SEPTIN2: variants seen among roughly 807,000 people sequenced by gnomAD.
The protein encoded by SEPTIN2 is septin 2, also known as septin-2.
A neutral mutation model predicts 46.5 loss-of-function variants in SEPTIN2; 34 were observed. The ratio of observed to expected loss-of-function variants is 0.73; its 90% CI spans 0.56 to 0.97. The LOEUF (loss-of-function observed/expected upper bound fraction) is 0.97, where lower values mean the gene tolerates loss of function less well. Ranked by LOEUF, SEPTIN2 falls within the 50% of genes least tolerant of loss-of-function variation. SEPTIN2 has a pLI of 0.00. For missense variants in SEPTIN2, 347 were observed against 448.4 expected (o/e 0.77, Z 2.04); for synonymous variants, 175 against 153.4 (o/e 1.14, Z -1.04).
At chr2:241,338,749 T>C (rs1187941656) in intron 7 of SEPTIN2, among the ~76,000 whole-genome samples, 104 of 112,062 alleles carry the variant, frequency 9.3e-4, no homozygotes, top group African/African-American at 3.6e-3. Context: ...TATTTATATG[T>C]AATATATTTA....
At chr2:241,326,204 A>G in intron 3 of SEPTIN2, 91 bp downstream of exon 3, 3 of 1,278,956 alleles carry the variant, frequency 2.3e-6, no homozygotes, top group East Asian at 2.6e-5. Context: ...ATAAAGAAAG[A>G]GGAAAATTTG....
At chr2:241,330,227 C>G (rs1208813331) in intron 3 of SEPTIN2, among the ~76,000 whole-genome samples, 1 of 152,124 alleles carries the variant, frequency 6.6e-6, no homozygotes, top group Non-Finnish European at 1.5e-5. Flanking sequence ...AATCACCATG[C>G]CATACAGCAT....
intron 1 of SEPTIN2, 160 bp from the exon 2 acceptor site, chr2:241,324,056 C>T (rs1227435326): frequency 3.3e-6 from 2 of 608,404 alleles, no homozygotes; most frequent in Non-Finnish European, 5.8e-6. Flanking sequence ...TTCCCTTTGG[C>T]CTAATGCATT....
At chr2:241,350,248 C>CATT (rs3217007) in intron 12 of SEPTIN2, 45 bp downstream of exon 12, 880,704 of 1,133,212 alleles carry the variant, frequency 0.78, 346,274 homozygotes, top group Admixed American at 0.86. Context: ...CAGTTACTAA[C>CATT]ATTGTGTCAG....
chr2:241,318,820 C>T (rs1409280602), intron 1 of SEPTIN2, among the ~76,000 whole-genome samples: 2 of 151,700 alleles, frequency 1.3e-5, no homozygotes, highest in African/African-American at 2.4e-5. Flanking sequence ...GCCTCAGCCT[C>T]CTGGGTAGCT....
At chr2:241,343,175 A>G in intron 8 of SEPTIN2, 82 bp downstream of exon 8, 1 of 801,962 alleles carries the variant, frequency 1.2e-6, no homozygotes, top group South Asian at 1.6e-5. Flanking sequence ...TTGCCTGGGT[A>G]TGTTCAGTTA....
chr2:241,320,587 A>AGGATCACCTGAGGTCAGGG (rs1429065211), intron 1 of SEPTIN2, among the ~76,000 whole-genome samples: 1 of 152,140 alleles, frequency 6.6e-6, no homozygotes, highest in Non-Finnish European at 1.5e-5. Context: ...TGAGGTCAGG[A>AGGATCACCTGAGGTCAGGG]AGTTTCACCT....
intron 1 of SEPTIN2, chr2:241,317,513 T>C (rs1354076249): frequency 1.2e-5 from 12 of 984,270 alleles, no homozygotes; most frequent in Non-Finnish European, 1.3e-5. Flanking sequence ...CAGAAACTGC[T>C]GTAAAAGAAG....
chr2:241,332,156 TAA>T (rs1225615350), intron 3 of SEPTIN2, among the ~76,000 whole-genome samples: 3 of 151,368 alleles, frequency 2.0e-5, no homozygotes, highest in Non-Finnish European at 4.4e-5. Flanking sequence ...GCAGATTTCT[TAA>T]GACATGAAGA....
intron 3 of SEPTIN2, among the ~76,000 whole-genome samples, chr2:241,333,406 T>A (rs1335743732): frequency 6.6e-6 from 1 of 152,226 alleles, no homozygotes; most frequent in Non-Finnish European, 1.5e-5. Flanking sequence ...ATTTTTACAC[T>A]CATATTTAGG....
chr2:241,343,957 C>A, intron 9 of SEPTIN2, 60 bp downstream of exon 9: 1 of 1,592,600 alleles, frequency 6.3e-7, no homozygotes, highest in Non-Finnish European at 8.6e-7. Flanking sequence ...GGATTTCAGA[C>A]GGGGTGTACA....
chr2:241,342,681 G>A (rs1159295942), intron 7 of SEPTIN2, among the ~76,000 whole-genome samples: 1 of 151,608 alleles, frequency 6.6e-6, no homozygotes, highest in Admixed American at 6.6e-5. Context: ...GACTACAGGC[G>A]TCCACTGCCA....
At chr2:241,319,653 A>G (rs747033185) in intron 1 of SEPTIN2, among the ~76,000 whole-genome samples, 9 of 152,092 alleles carry the variant, frequency 5.9e-5, no homozygotes, top group African/African-American at 7.2e-5. Flanking sequence ...GTGCAGCAGC[A>G]CCATCTCGGC....
At chr2:241,322,780 A>T (rs944261619) in intron 1 of SEPTIN2, among the ~76,000 whole-genome samples, 3 of 152,158 alleles carry the variant, frequency 2.0e-5, no homozygotes, top group Non-Finnish European at 2.9e-5. Context: ...AGGAAACTCC[A>T]GTGGGTGGCA....
rs777218934 is a variant in SEPTIN2 at position 241,336,110 on chromosome 2, C to T, written c.341+12C>T. ...AACTGCAGAGATTGGTATGCTCCCCCATGCCCAGGGATCTGCATTTGTTTA... is the reference window on the plus strand; with the variant it reads ...AACTGCAGAGATTGGTATGCTCCCCTATGCCCAGGGATCTGCATTTGTTTA... On this transcript the variant is annotated intron_variant, in intron 5 of 12. Coordinates refer to ENST00000391971, the MANE Select transcript of SEPTIN2 (RefSeq NM_004404.5). 1.5e-5 allele frequency: 25 copies of T among 1,612,910 alleles called. No homozygotes were observed. The East Asian group carries it at 4.9e-4, about 32-fold the overall frequency.
chr2:241,331,950 A>G (rs1020815302), intron 3 of SEPTIN2, among the ~76,000 whole-genome samples: 2 of 152,210 alleles, frequency 1.3e-5, no homozygotes, highest in East Asian at 1.9e-4. Flanking sequence ...TTTTTGAGAA[A>G]AAAGCCAAGT....
chr2:241,351,121 G>A (rs2060753608), intron 12 of SEPTIN2, among the ~76,000 whole-genome samples: 1 of 152,102 alleles, frequency 6.6e-6, no homozygotes, highest in South Asian at 2.1e-4. Context: ...AAGCATGAGT[G>A]TGTTCATGAA....
chr2:241,348,224 G>C (rs1348494940), intron 11 of SEPTIN2, 33 bp downstream of exon 11: 1 of 1,595,784 alleles, frequency 6.3e-7, no homozygotes, highest in Admixed American at 1.7e-5. Flanking sequence ...TTGGTTGGTT[G>C]GTTGGTTGTT....
At position 241,350,187 on chromosome 2, in the gene SEPTIN2, A is replaced by G. The variant is rs1257954019; in HGVS notation, c.*13A>G. The G allele has an allele frequency of 1.3e-6, 2 of 1,598,602 alleles. No homozygotes were observed. The highest frequency in any genetic ancestry group is 1.3e-5 in the African/African-American group (1 of 74,374). ...GCACCACGTGTAAGGTGATGTGCAC[A>G]TATCAAGAAGTCAGAGGTAGGCCCT... On this transcript the variant is annotated 3_prime_UTR_variant, in exon 12 of 13. Transcript: ENST00000391971.
Sources: gnomAD v4.1 joint callset for allele counts (sites outside exome capture counted in the v4.1 genomes callset) on GRCh38, gnomAD v4.1.1 for gene constraint, MANE v1.5 for transcripts, NCBI Gene and HGNC (gene_info 2026-07-23, HGNC 2026-07-21) for gene names.